The following SUPT3H variants were observed in gnomAD, a reference collection of about 807,000 sequenced individuals.
The protein encoded by SUPT3H is transcription initiation protein SPT3 homolog.
In SUPT3H, 44 loss-of-function variants were observed where a neutral mutation model predicts 44.3. The observed-to-expected ratio is 0.99, with a 90% confidence interval of 0.78 to 1.28. The LOEUF (loss-of-function observed/expected upper bound fraction) is 1.28. Among genes scored for constraint, SUPT3H ranks in the 50% most tolerant of loss-of-function variants. SUPT3H has a pLI of 0.00. For missense variants in SUPT3H, 380 were observed against 387.1 expected, an observed-to-expected ratio of 0.98 and a Z score of 0.15; for synonymous variants, 124 against 125.6, an observed-to-expected ratio of 0.99 and a Z score of 0.09.
In SUPT3H at chr6:44,932,662, G is replaced by T; in HGVS notation, c.903C>A (p.Ser301=). The T allele has an allele frequency of 6.2e-7, 1 of 1,605,962 alleles. No homozygotes were observed. Among genetic ancestry groups the T allele is most frequent in the Non-Finnish European group, 8.5e-7 (1 of 1,176,208 alleles). ...RRYSHRIGPL[S]PFTNAYRRNG... is the part of the protein sequence containing the mutation. Reference sequence around the variant, plus strand: ...CTCTGTTATTACGTACTGTGAATGGGGAAAGTGGGCCAATCCTGTGGCTGT... The same window carrying T: ...CTCTGTTATTACGTACTGTGAATGGTGAAAGTGGGCCAATCCTGTGGCTGT... Residue 301 remains serine (S), a synonymous_variant, in exon 10 of 11, where the codon TCC becomes TCA. Transcript: ENST00000371459.
At chr6:44,946,911 G>A (rs1773439133) in intron 9 of SUPT3H, among the ~76,000 whole-genome samples, 1 of 152,112 alleles carries the variant, frequency 6.6e-6, no homozygotes, top group Admixed American at 6.6e-5. Flanking sequence ...AAGAAAGGAA[G>A]AGTCAATCAA....
chr6:44,865,067 A>T (rs537621933), intron 10 of SUPT3H, among the ~76,000 whole-genome samples: 1 of 152,274 alleles, frequency 6.6e-6, no homozygotes, highest in East Asian at 1.9e-4. Flanking sequence ...ATCTCTCTCA[A>T]GTTGAAAGTT....
intron 3 of SUPT3H, among the ~76,000 whole-genome samples, chr6:45,053,256 G>T (rs1160113249): frequency 9.4e-5 from 14 of 149,362 alleles, no homozygotes; most frequent in Non-Finnish European, 1.8e-4. Flanking sequence ...TCACAATGTT[G>T]CCCAGGCTGG....
intron 2 of SUPT3H, among the ~76,000 whole-genome samples, chr6:45,193,500 G>C (rs915034821): frequency 3.3e-5 from 5 of 152,124 alleles, no homozygotes; most frequent in African/African-American, 1.2e-4. Flanking sequence ...GGGCCAAGCA[G>C]AGTCAGTGTT....
intron 6 of SUPT3H, among the ~76,000 whole-genome samples, chr6:44,994,671 G>C (rs1489266171): frequency 6.6e-6 from 1 of 152,070 alleles, no homozygotes; most frequent in Non-Finnish European, 1.5e-5. Context: ...TTGGGACAAA[G>C]GCATTCTCTC....
At chr6:45,312,013 C>T (rs1481722405) in intron 2 of SUPT3H, among the ~76,000 whole-genome samples, 1 of 152,144 alleles carries the variant, frequency 6.6e-6, no homozygotes, top group Non-Finnish European at 1.5e-5. Context: ...CTAAATGCTC[C>T]ACTTATAACA....
intron 3 of SUPT3H, among the ~76,000 whole-genome samples, chr6:45,036,260 A>G: frequency 6.6e-6 from 1 of 152,156 alleles, no homozygotes; most frequent in East Asian, 1.9e-4. Context: ...ATACAGGGTA[A>G]TCAGGGCAGT....
At chr6:45,319,053 C>G (rs965483325) in intron 2 of SUPT3H, among the ~76,000 whole-genome samples, 2 of 152,080 alleles carry the variant, frequency 1.3e-5, no homozygotes, top group Non-Finnish European at 2.9e-5. Flanking sequence ...AATTCCTACA[C>G]TGATATCTTT....
At chr6:44,883,614 T>C (rs890373915) in intron 10 of SUPT3H, among the ~76,000 whole-genome samples, 3 of 149,156 alleles carry the variant, frequency 2.0e-5, no homozygotes, top group African/African-American at 7.3e-5. Flanking sequence ...ATCAAAATTG[T>C]AACTATACTA....
chr6:45,068,222 C>G (rs1451858468), intron 3 of SUPT3H, among the ~76,000 whole-genome samples: 1 of 146,756 alleles, frequency 6.8e-6, no homozygotes, highest in Non-Finnish European at 1.5e-5. Flanking sequence ...AACAAAAAAC[C>G]AAACACGGCA....
At chr6:44,812,805 T>C (rs1766624698) in intron 11 of SUPT3H, among the ~76,000 whole-genome samples, 1 of 151,680 alleles carries the variant, frequency 6.6e-6, no homozygotes, top group Admixed American at 6.6e-5. Context: ...GAAGCAGAGG[T>C]TGGAGTTTGG....
At chr6:45,301,879 T>C (rs1398474045) in intron 2 of SUPT3H, among the ~76,000 whole-genome samples, 1 of 152,192 alleles carries the variant, frequency 6.6e-6, no homozygotes, top group African/African-American at 2.4e-5. Context: ...GTGGATTTGA[T>C]TTGTTAAAGT....
chr6:45,000,656 A>G (rs1266390357), intron 6 of SUPT3H, among the ~76,000 whole-genome samples: 2 of 152,062 alleles, frequency 1.3e-5, no homozygotes, highest in Non-Finnish European at 2.9e-5. Context: ...ACCTTATTTA[A>G]TTTAAAGCTT....
intron 6 of SUPT3H, among the ~76,000 whole-genome samples, chr6:44,975,070 T>C (rs1221395984): frequency 1.3e-5 from 2 of 151,244 alleles, no homozygotes; most frequent in Non-Finnish European, 2.9e-5. Context: ...AGTCGGGAGG[T>C]TGAGGCAGGG....
intron 9 of SUPT3H, among the ~76,000 whole-genome samples, chr6:44,947,217 C>T (rs1197194627): frequency 4.6e-5 from 7 of 152,088 alleles, no homozygotes; most frequent in South Asian, 2.1e-4. Context: ...TTGTGTGACT[C>T]GCTTTATTGC....
intron 6 of SUPT3H, among the ~76,000 whole-genome samples, chr6:45,001,816 T>A (rs1284329593): frequency 6.6e-6 from 1 of 152,076 alleles, no homozygotes; most frequent in African/African-American, 2.4e-5. Flanking sequence ...AGTCTCTGAG[T>A]CCAAAGTGGT....
chr6:45,150,973 G>A (rs1047419879), intron 2 of SUPT3H, among the ~76,000 whole-genome samples: 3 of 151,670 alleles, frequency 2.0e-5, no homozygotes, highest in Admixed American at 1.3e-4. Flanking sequence ...CACCTGCCTC[G>A]GCCTCCCAAA....
At chr6:45,377,701 G>GT (rs993895037) in intron 1 of SUPT3H, 67 bp downstream of exon 1, 4 of 152,300 alleles carry the variant, frequency 2.6e-5, no homozygotes, top group African/African-American at 9.7e-5. Flanking sequence ...TCCGCTCTGC[G>GT]TCCCTCCCGG....
At chr6:45,089,719 T>C (rs994227034) in intron 3 of SUPT3H, among the ~76,000 whole-genome samples, 1 of 151,722 alleles carries the variant, frequency 6.6e-6, no homozygotes, top group Non-Finnish European at 1.5e-5. Context: ...TAGTTCAGAA[T>C]CTGTAACTGT....
Sources: allele counts gnomAD v4.1 joint callset (sites outside exome capture counted in the v4.1 genomes callset), GRCh38; gene constraint gnomAD v4.1.1; transcripts MANE v1.5; gene names NCBI Gene and HGNC (gene_info 2026-07-23, HGNC 2026-07-21).